The following LINGO2 variants were observed in gnomAD, a reference collection of about 807,000 sequenced individuals.
The protein encoded by LINGO2 is leucine rich repeat and Ig domain containing 2.
Under a neutral mutation model 30.6 loss-of-function variants are expected in LINGO2, and 14 were observed. The observed-to-expected ratio is 0.46, with a 90% CI of 0.30 to 0.72. The LOEUF (loss-of-function observed/expected upper bound fraction) is 0.72, where lower values mean the gene tolerates loss of function less well. LINGO2 is among the 30% of genes least tolerant of loss of function. The pLI is 0.07. For missense variants in LINGO2, 729 were observed against 751.7 expected (o/e 0.97, Z 0.35); for synonymous variants, 317 against 288.5 (o/e 1.10, Z -1.00).
intron 1 of LINGO2, among the ~76,000 whole-genome samples, chr9:28,556,571 CT>C (rs1822710847): frequency 6.6e-6 from 1 of 152,062 alleles, no homozygotes; most frequent in Non-Finnish European, 1.5e-5. Context: ...GCCATACTGC[CT>C]AAGGTCATTT....
intron 1 of LINGO2, among the ~76,000 whole-genome samples, chr9:28,602,316 A>G (rs906477017): frequency 3.9e-5 from 6 of 152,094 alleles, no homozygotes; most frequent in African/African-American, 1.4e-4. Context: ...AAACAAACAA[A>G]CAAACAAACA....
At chr9:28,518,900 T>C (rs191630454) in intron 1 of LINGO2, among the ~76,000 whole-genome samples, 64 of 152,344 alleles carry the variant, frequency 4.2e-4, no homozygotes, top group Non-Finnish European at 6.3e-4. Context: ...GTTTTGACTA[T>C]TCTACTGGCC....
At chr9:28,859,981 A>G in the LINGO2 span, among the ~76,000 whole-genome samples, 3 of 152,066 alleles carry the variant, frequency 2.0e-5, no homozygotes, top group African/African-American at 7.2e-5. Flanking sequence ...TTATTTCTAC[A>G]GTTCTTCTAA....
intron 1 of LINGO2, among the ~76,000 whole-genome samples, chr9:28,479,927 A>G (rs1236982546): frequency 3.1e-4 from 34 of 111,014 alleles, no homozygotes; most frequent in Middle Eastern, 4.0e-3. Flanking sequence ...ATATATATAT[A>G]TATATATATA....
At chr9:28,649,995 T>A (rs1828019084) in intron 1 of LINGO2, among the ~76,000 whole-genome samples, 1 of 151,116 alleles carries the variant, frequency 6.6e-6, no homozygotes, top group Non-Finnish European at 1.5e-5. Context: ...GGAAGAGCCA[T>A]CGTAGAGTGG....
chr9:29,206,651 G>C, the LINGO2 span, among the ~76,000 whole-genome samples: 1 of 152,062 alleles, frequency 6.6e-6, no homozygotes, highest in South Asian at 2.1e-4. Context: ...ATTTTGTATA[G>C]CCTTGGGAAC....
chr9:28,177,565 T>G (rs1828782894), intron 4 of LINGO2, among the ~76,000 whole-genome samples: 1 of 152,208 alleles, frequency 6.6e-6, no homozygotes, highest in Non-Finnish European at 1.5e-5. Flanking sequence ...TAGGGTTAAT[T>G]TGTCTATTAC....
exon 6 of LINGO2, chr9:27,950,611 A>C: frequency 6.6e-7 from 1 of 1,518,818 alleles, no homozygotes. Flanking sequence ...GATCCCATGA[A>C]GATTAACACC....
intron 2 of LINGO2, among the ~76,000 whole-genome samples, chr9:28,433,949 C>CTCTCTCTCTCTCTATATATATATATATA (rs1225323260): frequency 3.4e-5 from 3 of 88,478 alleles, no homozygotes; most frequent in Admixed American, 1.4e-4. Context: ...CTCTCTCTCT[C>CTCTCTCTCTCTCTATATATATATATATA]TATATATATA....
chr9:28,512,735 T>G (rs1820462790), intron 1 of LINGO2, among the ~76,000 whole-genome samples: 1 of 148,332 alleles, frequency 6.7e-6, no homozygotes, highest in South Asian at 2.1e-4. Context: ...AATCACAAGG[T>G]CCCACAATAG....
chr9:28,893,110 C>G, the LINGO2 span, among the ~76,000 whole-genome samples: 1 of 151,950 alleles, frequency 6.6e-6, no homozygotes, highest in South Asian at 2.1e-4. Flanking sequence ...CTCTTCTCTT[C>G]TTCCATTCTC....
chr9:29,011,896 C>T, the LINGO2 span, among the ~76,000 whole-genome samples: 3 of 152,180 alleles, frequency 2.0e-5, no homozygotes, highest in Non-Finnish European at 1.5e-5. Context: ...ACTCAAACTA[C>T]ATAAATGGCA....
intron 4 of LINGO2, among the ~76,000 whole-genome samples, chr9:28,127,180 G>A (rs542013671): frequency 1.3e-5 from 2 of 152,228 alleles, no homozygotes; most frequent in East Asian, 1.9e-4. Flanking sequence ...AAGTAGAAAC[G>A]TAAGTCCTTT....
the LINGO2 span, among the ~76,000 whole-genome samples, chr9:28,970,871 G>A: frequency 1.3e-5 from 2 of 152,170 alleles, no homozygotes; most frequent in African/African-American, 4.8e-5. Flanking sequence ...TGGACGAGGA[G>A]GGCACACCAC....
At chr9:28,916,146 G>A in the LINGO2 span, among the ~76,000 whole-genome samples, 1 of 152,070 alleles carries the variant, frequency 6.6e-6, no homozygotes, top group Non-Finnish European at 1.5e-5. Flanking sequence ...TTAAAACAGA[G>A]AACTTAAGAC....
At chr9:28,252,973 G>C (rs1488047858) in intron 4 of LINGO2, among the ~76,000 whole-genome samples, 1 of 151,642 alleles carries the variant, frequency 6.6e-6, no homozygotes, top group Non-Finnish European at 1.5e-5. Context: ...AGCATTTGGA[G>C]AATATAATAA....
the LINGO2 span, among the ~76,000 whole-genome samples, chr9:29,067,355 A>C: frequency 7.3e-3 from 1,111 of 151,888 alleles, 12 homozygotes; most frequent in African/African-American, 0.026. Context: ...CATACTGAAG[A>C]GGCTAGAAAA....
chr9:28,581,253 G>T (rs1178326118), intron 1 of LINGO2, among the ~76,000 whole-genome samples: 1 of 151,780 alleles, frequency 6.6e-6, no homozygotes, highest in African/African-American at 2.4e-5. Flanking sequence ...CTGTGTGTGT[G>T]TGTGTGTTTA....
chr9:28,590,121 G>C (rs1824798197), intron 1 of LINGO2, among the ~76,000 whole-genome samples: 1 of 152,082 alleles, frequency 6.6e-6, no homozygotes, highest in African/African-American at 2.4e-5. Context: ...GCTGAAACTG[G>C]ATCCCTTCCT....
Sources: gnomAD v4.1 joint callset for allele counts (sites outside exome capture counted in the v4.1 genomes callset) on GRCh38, gnomAD v4.1.1 for gene constraint, MANE v1.5 for transcripts, NCBI Gene and HGNC (gene_info 2026-07-23, HGNC 2026-07-21) for gene names.